Variants in COLEC10 observed in about 807,000 individuals in gnomAD.
COLEC10 encodes the protein collectin-10.
In COLEC10, 22 loss-of-function variants were observed where a neutral mutation model predicts 28.4. The ratio of observed to expected loss-of-function variants is 0.78; its 90% CI spans 0.55 to 1.11. COLEC10 has a LOEUF of 1.11. COLEC10 is among the 50% of genes least tolerant of loss of function. COLEC10 has a pLI of 0.00. For synonymous variants in COLEC10, 125 were observed against 116.1 expected (o/e 1.08, Z -0.49); for missense variants, 361 against 344.1 (o/e 1.05, Z -0.39).
At chr8:119,058,481 T>A (rs1302114485) in intron 2 of COLEC10, among the ~76,000 whole-genome samples, 1 of 152,056 alleles carries the variant, frequency 6.6e-6, no homozygotes, top group Non-Finnish European at 1.5e-5. Flanking sequence ...AGGGTTCTCC[T>A]TTTCTAGAAA....
At chr8:119,067,499 C>G in intron 1 of COLEC10, 70 bp downstream of exon 1, 3 of 1,418,818 alleles carry the variant, frequency 2.1e-6, no homozygotes, top group Non-Finnish European at 2.9e-6. Flanking sequence ...GAACCCCTTC[C>G]TAGATTTCAA....
chr8:119,057,110 G>T (rs568592566), intron 2 of COLEC10, among the ~76,000 whole-genome samples: 37 of 152,158 alleles, frequency 2.4e-4, no homozygotes, highest in African/African-American at 7.7e-4. Flanking sequence ...ATCCCCACGT[G>T]TTGAGGGAGG....
chr8:118,997,052 A>T (rs1401105889), intron 1 of COLEC10, among the ~76,000 whole-genome samples: 2 of 152,196 alleles, frequency 1.3e-5, no homozygotes, highest in Non-Finnish European at 2.9e-5. Flanking sequence ...TCAACATGAG[A>T]TTTGAAGAAG....
rs554175620 is a variant in COLEC10 at position 119,015,874 on chromosome 8, T to A, written n.235+6321T>A. ...GTACTAGAAAATGGCCAAGCTTTGC[T>A]TTATATATTGGTTATGCTGGTTCTA... On this transcript the variant is annotated intron_variant and non_coding_transcript_variant, in intron 2 of 6. Transcript: ENST00000521788. Among the ~76,000 whole-genome samples the A allele has an allele frequency of 1.9e-4, 29 of 152,318 alleles. No individual in the cohort carries two copies. In the South Asian group the frequency reaches 5.8e-3, roughly 30 times the overall value.
intron 2 of COLEC10, among the ~76,000 whole-genome samples, chr8:119,041,516 C>T (rs1427150106): frequency 6.6e-6 from 1 of 152,128 alleles, no homozygotes; most frequent in Admixed American, 6.6e-5. Context: ...TTCCTGGGTT[C>T]AAATTCTAGT....
At chr8:119,100,360 T>C (rs528357192) in intron 3 of COLEC10, among the ~76,000 whole-genome samples, 3 of 152,326 alleles carry the variant, frequency 2.0e-5, no homozygotes, top group African/African-American at 7.2e-5. Context: ...TGTGATAATA[T>C]GTGTAAGGTA....
At chr8:119,069,629 A>ATAT (rs1448354041) in intron 1 of COLEC10, among the ~76,000 whole-genome samples, 1 of 42,880 alleles carries the variant, frequency 2.3e-5, no homozygotes, top group African/African-American at 7.5e-5. Context: ...AAAAAAAAAA[A>ATAT]ATATATATAT....
intron 5 of COLEC10, 48 bp downstream of exon 5, chr8:119,103,943 C>A: frequency 2.5e-6 from 3 of 1,176,520 alleles, no homozygotes; most frequent in South Asian, 1.2e-5. Context: ...AGATCTCCAT[C>A]AACACTACAA....
At chr8:119,038,641 T>A (rs961124013) in intron 2 of COLEC10, among the ~76,000 whole-genome samples, 10 of 152,242 alleles carry the variant, frequency 6.6e-5, no homozygotes, top group African/African-American at 2.4e-4. Flanking sequence ...TAGAAATGTA[T>A]TTAAACCAAC....
At chr8:119,039,524 T>G (rs1404776257) in intron 2 of COLEC10, among the ~76,000 whole-genome samples, 1 of 152,202 alleles carries the variant, frequency 6.6e-6, no homozygotes, top group East Asian at 1.9e-4. Context: ...TAATTATGGA[T>G]TGAAACTCTG....
At chr8:119,001,212 TAAG>T (rs1214033231) in intron 1 of COLEC10, among the ~76,000 whole-genome samples, 3 of 152,202 alleles carry the variant, frequency 2.0e-5, no homozygotes, top group East Asian at 3.9e-4. Context: ...GAGAAAGCGA[TAAG>T]GAGTAGAAGA....
chr8:118,998,535 TGTG>T (rs1268098249), intron 1 of COLEC10, among the ~76,000 whole-genome samples: 1 of 151,990 alleles, frequency 6.6e-6, no homozygotes, highest in African/African-American at 2.4e-5. Flanking sequence ...CATGTGATCT[TGTG>T]GTAAAAATTT....
Position 119,102,336 on chromosome 8 carries a change from GT to G in COLEC10, c.293-4del, listed in dbSNP as rs565991172. ...ATTTTATTTTATTTTGGTTGCTATT[GT>G]TTTTTTTCAGGTGACAAAGGGGAAA... On this transcript the variant is annotated splice_polypyrimidine_tract_variant and intron_variant, in intron 3 of 5. Coordinates refer to ENST00000332843, the MANE Select transcript of COLEC10 (RefSeq NM_006438.5). 8.4e-6 allele frequency: 12 copies of G among 1,429,496 alleles called. No homozygotes were observed. The highest frequency in any genetic ancestry group is 1.8e-4 in the Middle Eastern group (1 of 5,436). 88.6% of individuals were successfully genotyped at this position (1,429,496 alleles called of 1,614,324 possible). A position where few individuals can be genotyped will look rare whatever the true frequency, so the allele number is the denominator to read the frequency against.
At chr8:119,094,172 C>CG (rs1289660365) in intron 3 of COLEC10, among the ~76,000 whole-genome samples, 3 of 151,990 alleles carry the variant, frequency 2.0e-5, no homozygotes, top group African/African-American at 7.3e-5. Context: ...CAATGAGTCC[C>CG]GGGGCATCCA....
chr8:118,959,782 C>T, the COLEC10 span, among the ~76,000 whole-genome samples: 38 of 152,306 alleles, frequency 2.5e-4, no homozygotes, highest in African/African-American at 7.0e-4. Context: ...ATGTGTTCAG[C>T]CCCATGCCAG....
At chr8:118,955,713 GAGGAC>G in the COLEC10 span, among the ~76,000 whole-genome samples, 1 of 152,334 alleles carries the variant, frequency 6.6e-6, no homozygotes, top group East Asian at 1.9e-4. Flanking sequence ...TTTGGGCAAG[GAGGAC>G]AGGGTGTTAG....
chr8:119,002,445 T>TATGA (rs1391029809), intron 1 of COLEC10, among the ~76,000 whole-genome samples: 13 of 152,184 alleles, frequency 8.5e-5, no homozygotes, highest in African/African-American at 3.1e-4. Flanking sequence ...TTTTAAATTC[T>TATGA]ATGAATGAAT....
In COLEC10 at chr8:119,067,378, C is replaced by A. The variant is rs138502539; in HGVS notation, c.97C>A (p.Arg33Ser). Residue 33 changes from arginine to serine, a missense_variant, in exon 1 of 6, where the codon CGT becomes AGT. Physicochemically the swap from Arg to Ser is moderately radical, Grantham distance 110 (BLOSUM62 -1). Transcript: ENST00000332843. ...IQSLGLDIDSRPTAEVCATHT... is the reference protein window; with the variant it reads ...IQSLGLDIDSSPTAEVCATHT... Reference sequence around the variant, plus strand: ...GAGTCTGGGTCTGGATATTGATAGCCGTCCTACCGCTGAAGTCTGTGCCAC... The same window carrying A: ...GAGTCTGGGTCTGGATATTGATAGCAGTCCTACCGCTGAAGTCTGTGCCAC... The A allele has an allele frequency of 6.2e-7, 1 of 1,614,014 alleles. No homozygotes were observed.
chr8:119,070,729 T>C (rs964939035), intron 1 of COLEC10, among the ~76,000 whole-genome samples: 4 of 151,830 alleles, frequency 2.6e-5, no homozygotes, highest in African/African-American at 7.3e-5. Context: ...AGCTATTATG[T>C]ATTCATAAAA....
Sources: gnomAD v4.1 joint callset for allele counts (sites outside exome capture counted in the v4.1 genomes callset) on GRCh38, gnomAD v4.1.1 for gene constraint, MANE v1.5 for transcripts, NCBI Gene and HGNC (gene_info 2026-07-23, HGNC 2026-07-21) for gene names.